Variants in DTNB observed in about 807,000 individuals in gnomAD.
DTNB encodes the protein dystrobrevin beta.
DTNB carries 63 observed loss-of-function variants against 90.7 expected under a neutral mutation model. That is an observed-to-expected ratio of 0.69 (90% CI 0.57 to 0.86). The LOEUF is 0.86. DTNB is among the 40% of genes least tolerant of loss of function. The pLI is 0.00. For missense variants in DTNB, 744 were observed against 807.1 expected (o/e 0.92, Z 0.95); for synonymous variants, 277 against 286.7 (o/e 0.97, Z 0.34).
intron 4 of DTNB, among the ~76,000 whole-genome samples, chr2:25,608,888 A>G (rs2148525634): frequency 6.6e-6 from 1 of 152,316 alleles, no homozygotes. Flanking sequence ...AAGGGGGTAA[A>G]TATTAACTTG....
rs375040738 is a variant in DTNB, at chr2:25,451,550, C to T, written c.1255G>A (p.Val419Met). The change falls in exon 12 of 21, where the codon GTG (valine) becomes ATG (methionine). Residue 419 changes from valine (V) to methionine (M), a missense_variant and splice_region_variant. Physicochemically the swap from Val to Met is conservative, Grantham distance 21. Coordinates refer to ENST00000406818, the MANE Select transcript of DTNB (RefSeq NM_021907.5). ...CCTGGGATCCTCCATTAACTTACCA[C>T]GTTTCCTGCTTCTGCAGCCAGCCGG... ...AARLAAEAGN[V>M]TRPPTDLSFN... is the part of the protein sequence containing the mutation. 76 of 1,606,074 alleles carry T rather than the reference C, an allele frequency of 4.7e-5. No homozygotes were observed. The highest frequency in any genetic ancestry group is 5.9e-5 in the Non-Finnish European group (69 of 1,176,214).
intron 12 of DTNB, among the ~76,000 whole-genome samples, chr2:25,442,750 C>T (rs1028968365): frequency 6.6e-6 from 1 of 152,224 alleles, no homozygotes; most frequent in Non-Finnish European, 1.5e-5. Context: ...ACTAAAGTCA[C>T]ATAACCCTGT....
In DTNB at chr2:25,491,148, C is replaced by T. The variant is rs867984295; in HGVS notation, c.1002-8275G>A. ...GAAGTGTTATATGAGCACACACACA[C>T]ACACACACAGACACACACACAGAGG... On this transcript the variant is annotated intron_variant, in intron 9 of 20. Coordinates refer to ENST00000406818, the MANE Select transcript of DTNB (RefSeq NM_021907.5). 9.7e-4 allele frequency among the ~76,000 whole-genome samples: 30 copies of T among 31,010 alleles called. 1 individual carries two copies. In the East Asian group the frequency reaches 0.025, roughly 25 times the overall value. The allele number at this position is 31,010 out of a possible 152,430, so 20.3% of individuals were successfully genotyped here.
intron 8 of DTNB, among the ~76,000 whole-genome samples, chr2:25,542,288 T>C (rs1262919511): frequency 6.6e-6 from 1 of 152,176 alleles, no homozygotes; most frequent in African/African-American, 2.4e-5. Context: ...TATGAGTCTT[T>C]TGAGATAATT....
intron 3 of DTNB, among the ~76,000 whole-genome samples, chr2:25,635,542 C>T (rs982205699): frequency 9.2e-5 from 14 of 152,188 alleles, no homozygotes; most frequent in Non-Finnish European, 1.5e-4. Context: ...ACCACGTTCA[C>T]AGGAGGAAAT....
At chr2:25,647,537 A>G (rs973186668) in intron 2 of DTNB, among the ~76,000 whole-genome samples, 17 of 152,230 alleles carry the variant, frequency 1.1e-4, no homozygotes, top group African/African-American at 4.1e-4. Context: ...AACCCAATTA[A>G]GCTATACAGG....
At chr2:25,597,875 A>C (rs1163441583) in intron 5 of DTNB, among the ~76,000 whole-genome samples, 1 of 152,204 alleles carries the variant, frequency 6.6e-6, no homozygotes, top group Non-Finnish European at 1.5e-5. Flanking sequence ...TACACATGAA[A>C]CAGAGAAGAA....
At chr2:25,653,474 G>GCTTT (rs1359482034) in intron 1 of DTNB, among the ~76,000 whole-genome samples, 1,169 of 112,190 alleles carry the variant, frequency 0.01, 17 homozygotes, top group South Asian at 0.021. Flanking sequence ...ACTGTTCAGA[G>GCTTT]CTTGCTTTCT....
intron 8 of DTNB, among the ~76,000 whole-genome samples, chr2:25,544,933 G>C (rs575937434): frequency 6.6e-6 from 1 of 152,264 alleles, no homozygotes; most frequent in African/African-American, 2.4e-5. Context: ...CAAACTCCTT[G>C]AGACTTTTTT....
chr2:25,639,141 T>A, intron 2 of DTNB, 47 bp from the exon 3 acceptor site: 1 of 1,505,602 alleles, frequency 6.6e-7, no homozygotes, highest in Non-Finnish European at 9.0e-7. Flanking sequence ...ACCATTTAGT[T>A]TCCAAACGCT....
chr2:25,621,460 T>TA (rs1434509970), intron 4 of DTNB, among the ~76,000 whole-genome samples: 4 of 151,612 alleles, frequency 2.6e-5, no homozygotes, highest in African/African-American at 9.7e-5. Flanking sequence ...TTTTTTTTTT[T>TA]TTTGAGACGG....
intron 9 of DTNB, among the ~76,000 whole-genome samples, chr2:25,484,494 G>C (rs1255789861): frequency 6.6e-6 from 1 of 152,182 alleles, no homozygotes; most frequent in Non-Finnish European, 1.5e-5. Context: ...ATATTTCAGG[G>C]AGGGCCAAGG....
In DTNB at chr2:25,445,165, A is replaced by G. The variant is rs539004128; in HGVS notation, c.1257+6383T>C. Among the ~76,000 whole-genome samples the G allele has an allele frequency of 1.4e-4, 21 of 152,358 alleles. No homozygotes were observed. The South Asian group carries it at 3.9e-3, about 29-fold the overall frequency. ...AAACTCAGTAAGACTATATAACGGC[A>G]TAAAATATACTTAATTTTTAAAATC... On this transcript the variant is annotated intron_variant, in intron 12 of 20. Transcript: ENST00000406818.
At chr2:25,556,765 A>T (rs1160864660) in intron 8 of DTNB, among the ~76,000 whole-genome samples, 1 of 152,180 alleles carries the variant, frequency 6.6e-6, no homozygotes, top group Non-Finnish European at 1.5e-5. Context: ...GGATATACAG[A>T]GGTTGGTAAG....
At chr2:25,575,492 T>C (rs917354118) in intron 8 of DTNB, among the ~76,000 whole-genome samples, 4 of 152,152 alleles carry the variant, frequency 2.6e-5, no homozygotes, top group African/African-American at 9.7e-5. Flanking sequence ...AACAAAATTT[T>C]ATCATTAATT....
intron 8 of DTNB, among the ~76,000 whole-genome samples, chr2:25,569,918 G>A (rs1305871413): frequency 1.3e-5 from 2 of 151,970 alleles, no homozygotes; most frequent in Non-Finnish European, 2.9e-5. Context: ...CCAACATGGT[G>A]AAACCCTGTC....
intron 9 of DTNB, among the ~76,000 whole-genome samples, chr2:25,508,330 T>C (rs1353592717): frequency 2.6e-5 from 4 of 152,068 alleles, no homozygotes; most frequent in African/African-American, 7.2e-5. Flanking sequence ...GAATCAGTAA[T>C]TATCTGTTTC....
chr2:25,606,245 G>A (rs2067077066), intron 5 of DTNB, among the ~76,000 whole-genome samples: 1 of 151,578 alleles, frequency 6.6e-6, no homozygotes, highest in African/African-American at 2.4e-5. Flanking sequence ...TCCAAATCCG[G>A]GCTCACAGGG....
intron 1 of DTNB, among the ~76,000 whole-genome samples, chr2:25,661,594 G>T (rs1243414303): frequency 6.6e-6 from 1 of 152,214 alleles, no homozygotes. Flanking sequence ...TTCTAATAGG[G>T]CTGGCAGAAT....
Sources: gnomAD v4.1 joint callset for allele counts (sites outside exome capture counted in the v4.1 genomes callset) on GRCh38, gnomAD v4.1.1 for gene constraint, MANE v1.5 for transcripts, NCBI Gene and HGNC (gene_info 2026-07-23, HGNC 2026-07-21) for gene names.